WIZ: variants seen among roughly 807,000 people sequenced by gnomAD.
The protein encoded by WIZ is WIZ zinc finger.
WIZ carries 25 observed loss-of-function variants against 140.2 expected under a neutral mutation model. The observed-to-expected ratio is 0.18, with a 90% CI of 0.13 to 0.25. The LOEUF is 0.25. WIZ is among the 10% of genes least tolerant of loss of function. The probability of loss-of-function intolerance (pLI) is 1.00; values close to 1 mark genes in which losing one functional copy is unlikely to be tolerated. For synonymous variants in WIZ, 1,125 were observed against 1,154.3 expected (o/e 0.97, Z 0.51); for missense variants, 2,231 against 2,632.6 (o/e 0.85, Z 3.34).
At chr19:15,437,258 G>C in intron 4 of WIZ, 129 bp from the exon 5 acceptor site, 1 of 854,944 alleles carries the variant, frequency 1.2e-6, no homozygotes, top group East Asian at 3.0e-5. Flanking sequence ...GCTCCTGCCT[G>C]CTCCTCAGCT....
Position 15,431,076 on chromosome 19 carries a change from C to G in WIZ, c.2847G>C (p.Arg949=). 1 of 1,535,934 alleles carries G rather than the reference C, an allele frequency of 6.5e-7. No homozygotes were observed. Among genetic ancestry groups the G allele is most frequent in the Non-Finnish European group, 8.7e-7 (1 of 1,146,822 alleles). ...CCTCTGCAGCCACTTTGCTGCTCAG[C>G]CGACTGGCCACCTGCTCCAGGGCCC... ...VPGALEQVAS[R]LSSKVAAEVP... Residue 949 remains arginine, a synonymous_variant, in exon 6 of 13, where the codon CGG becomes CGC. Transcript: ENST00000673675.
Position 15,425,566 on chromosome 19 carries a change from T to A in WIZ, c.4569A>T (p.Pro1523=), listed in dbSNP as rs1425455720. The A allele has an allele frequency of 6.2e-7, 1 of 1,613,130 alleles. No individual in the cohort carries two copies. Among genetic ancestry groups the A allele is most frequent in the African/African-American group, 1.3e-5 (1 of 74,958 alleles). ...GGGCAGGGGCCAGGTCTCCAGCCGG[T>A]GGCTCCTTCTTGATGAGGCACGGCT... ...KSKPCLIKKE[P]PAGDLAPALA... is the part of the protein sequence containing the mutation. The change falls in exon 10 of 13, where the codon CCA becomes CCT. Residue 1523 remains proline (P), a synonymous_variant. Transcript: ENST00000673675.
rs554673473 is a variant in WIZ, at chr19:15,421,034, T to G, written c.*2042A>C. The stretch of plus-strand genomic sequence containing the variant: ...GGATGGCTGAGGCAGGAGAATCACT[T>G]GAACCCAGGAGGCAGAGACTGCAGC... On this transcript the variant is annotated 3_prime_UTR_variant, in exon 13 of 13. Transcript: ENST00000673675. The G allele has an allele frequency of 3.3e-5, 5 of 152,110 alleles. No homozygotes were observed. In the South Asian group the frequency reaches 1.0e-3, roughly 32 times the overall value. The allele number at this position is 152,110 out of a possible 1,614,324, so 9.4% of individuals were successfully genotyped here.
chr19:15,438,849 G>T lies in WIZ; in HGVS notation c.2145C>A (p.His715Gln), dbSNP rs1969614224. ...CGTCCAGGAGCAGGAAGTCCAGGGG[G>T]TGGGCGCCTGCCAGCCCCAGCTCCT... The part of the protein sequence containing the change: ...QPEELGLAGA[H>Q]PLDFLLLDAP... Residue 715 changes from histidine to glutamine, a missense_variant, in exon 4 of 13, where the codon CAC becomes CAA. This residue lies in a region of WIZ where 475 missense variants were observed against 520.2 expected (regional missense o/e 0.91). Coordinates refer to ENST00000673675, the MANE Select transcript of WIZ (RefSeq NM_001371589.1). 1 of 1,477,604 alleles carries T rather than the reference G, an allele frequency of 6.8e-7. No individual in the cohort carries two copies. The highest frequency in any genetic ancestry group is 1.3e-5 in the South Asian group (1 of 77,388). The allele number at this position is 1,477,604 out of a possible 1,614,324, so 91.5% of individuals were successfully genotyped here.
At position 15,430,060 on chromosome 19, in the gene WIZ, C is replaced by T. The variant is rs997673442; in HGVS notation, c.2941G>A (p.Gly981Ser). The change falls in exon 7 of 13, where the codon GGT (glycine) becomes AGT (serine). Residue 981 changes from glycine to serine, a missense_variant. Around this residue, in one of 15 missense-constraint regions of WIZ, gnomAD observed 24 missense variants for 61.2 expected, o/e 0.39. Transcript: ENST00000673675. ...CCCTTTCGGGTCTCAAAGCAGGCAC[C>T]GCAGACCTCGCAGGTGGTCAGGCTC... The part of the protein sequence containing the change: ...AQSLTTCEVC[G>S]ACFETRKGLS... 3.3e-6 allele frequency: 5 copies of T among 1,532,996 alleles called. No individual in the cohort carries two copies. Among genetic ancestry groups the T allele is most frequent in the South Asian group, 2.4e-5 (2 of 83,780 alleles). The allele number at this position is 1,532,996 out of a possible 1,614,324, so 95.0% of individuals were successfully genotyped here.
chr19:15,424,088 C>T lies in WIZ; in HGVS notation c.5510+95G>A. On this transcript the variant is annotated intron_variant, in intron 12 of 12. Coordinates refer to ENST00000673675, the MANE Select transcript of WIZ (RefSeq NM_001371589.1). The surrounding 1 kb of genome is among the most constrained non-coding windows in gnomAD (Gnocchi z 9.7). Reference sequence around the variant, plus strand: ...CCCAAGGGCAGCCACTGAGGCGACACCTCCCAGCTTCCACCAAACCCTATC... The same window carrying T: ...CCCAAGGGCAGCCACTGAGGCGACATCTCCCAGCTTCCACCAAACCCTATC... The T allele has an allele frequency of 8.2e-7, 1 of 1,218,646 alleles. No homozygotes were observed. Among genetic ancestry groups the T allele is most frequent in the Non-Finnish European group, 1.1e-6 (1 of 912,818 alleles). 75.5% of individuals were successfully genotyped at this position (1,218,646 alleles called of 1,614,324 possible). A position where few individuals can be genotyped will look rare whatever the true frequency, so the allele number is the denominator to read the frequency against.
rs948128549 is a variant in WIZ at position 15,427,582 on chromosome 19, T to C, written c.3815-49A>G. 13 of 1,558,216 alleles carry C rather than the reference T, an allele frequency of 8.3e-6. No homozygotes were observed. Among genetic ancestry groups the C allele is most frequent in the Admixed American group, 3.5e-5 (2 of 56,516 alleles). ...AGTTAGCATCGTGGAACTGCCAGCA[T>C]GGTCACCTGCAGGAGTGTCCTGGTC... is the stretch of plus-strand genomic sequence containing the variant. On this transcript the variant is annotated intron_variant, in intron 8 of 12. Coordinates refer to ENST00000673675, the MANE Select transcript of WIZ (RefSeq NM_001371589.1). This position sits in a 1 kb window ranked among gnomAD's most constrained non-coding sequence, Gnocchi z 6.4.
At chr19:15,445,175 T>C (rs1969874394) in intron 2 of WIZ, among the ~76,000 whole-genome samples, 1 of 152,200 alleles carries the variant, frequency 6.6e-6, no homozygotes, top group African/African-American at 2.4e-5. Flanking sequence ...CCATCTGGGT[T>C]CCCCGAGAGA....
Position 15,438,971 on chromosome 19 carries a change from G to A in WIZ, c.2023C>T (p.Gln675Ter). The stretch of plus-strand genomic sequence containing the variant: ...GGTACCATCCCTCGGAGCTGCTGCT[G>A]CTGCCCCTGGGTGGCCTCTACTGCC... ...LQAVEATQGQQQQLRGMVPIV... is the reference protein window; with the variant it reads ...LQAVEATQGQ The change falls in exon 4 of 13, where the codon CAG becomes TAG. Residue 675 changes from glutamine to a stop codon, truncating the protein, a stop_gained. Transcript: ENST00000673675. LOFTEE classifies it high-confidence loss of function. The A allele has an allele frequency of 6.9e-7, 1 of 1,455,380 alleles. No homozygotes were observed. The highest frequency in any genetic ancestry group is 9.0e-7 in the Non-Finnish European group (1 of 1,107,120). The allele number at this position is 1,455,380 out of a possible 1,614,324, so 90.2% of individuals were successfully genotyped here.
At chr19:15,445,040 G>A (rs1969869243) in intron 2 of WIZ, among the ~76,000 whole-genome samples, 1 of 152,256 alleles carries the variant, frequency 6.6e-6, no homozygotes. Context: ...GACACCTTGG[G>A]GGTGGGGGCT....
At chr19:15,430,181 G>C (rs1969140125) in intron 6 of WIZ, 92 bp from the exon 7 acceptor site, 3 of 1,428,654 alleles carry the variant, frequency 2.1e-6, no homozygotes. Context: ...CACTCACCCA[G>C]GCTCCATGGA....
Position 15,427,614 on chromosome 19 carries a change from G to T in WIZ, c.3815-81C>A. The stretch of plus-strand genomic sequence containing the variant: ...CTGCAGGAGTGTCCTGGTCGGCTGG[G>T]CGTGGGCGGCAGCAGCACGCCCACA... On this transcript the variant is annotated intron_variant, in intron 8 of 12. Transcript: ENST00000673675. This position sits in a 1 kb window ranked among gnomAD's most constrained non-coding sequence, Gnocchi z 6.4. 6.8e-7 allele frequency: 1 copy of T among 1,462,682 alleles called. No individual in the cohort carries two copies. Among genetic ancestry groups the T allele is most frequent in the Non-Finnish European group, 9.1e-7 (1 of 1,096,886 alleles). The allele number at this position is 1,462,682 out of a possible 1,614,324, so 90.6% of individuals were successfully genotyped here.
chr19:15,422,809 A>T lies in WIZ; in HGVS notation c.*267T>A. 1.9e-6 allele frequency: 1 copy of T among 532,592 alleles called. No individual in the cohort carries two copies. The highest frequency in any genetic ancestry group is 3.3e-6 in the Non-Finnish European group (1 of 300,570). The allele number at this position is 532,592 out of a possible 1,614,324, so 33.0% of individuals were successfully genotyped here. On this transcript the variant is annotated 3_prime_UTR_variant, in exon 13 of 13. Coordinates refer to ENST00000673675, the MANE Select transcript of WIZ (RefSeq NM_001371589.1). ...CCCTGTGACCAGACCGGCTGCCATC[A>T]GAGACCTGGCTGCTGCCCCTGCTGG...
chr19:15,425,153 C>T (rs1968660242), intron 10 of WIZ, 88 bp downstream of exon 10: 1 of 1,534,118 alleles, frequency 6.5e-7, no homozygotes, highest in Non-Finnish European at 8.7e-7. Flanking sequence ...GGGGGCCCCA[C>T]TTGGGGTCAG....
At chr19:15,433,749 A>G (rs915526957) in intron 5 of WIZ, among the ~76,000 whole-genome samples, 2 of 152,202 alleles carry the variant, frequency 1.3e-5, no homozygotes, top group Admixed American at 1.3e-4. Context: ...TAGCAGAAGC[A>G]AGAAGCCTGA....
chr19:15,443,866 A>T (rs1007188598), intron 2 of WIZ, among the ~76,000 whole-genome samples: 4 of 152,114 alleles, frequency 2.6e-5, no homozygotes, highest in Admixed American at 6.6e-5. Context: ...ACCCTCTCCC[A>T]GGCCTATGTC....
At chr19:15,446,377 C>T (rs1969921180) in intron 2 of WIZ, among the ~76,000 whole-genome samples, 1 of 152,174 alleles carries the variant, frequency 6.6e-6, no homozygotes. Flanking sequence ...AATCAAAGTC[C>T]CCGCCCAGCC....
At chr19:15,425,187 G>A (rs1968662742) in intron 10 of WIZ, 54 bp downstream of exon 10, 2 of 1,548,746 alleles carry the variant, frequency 1.3e-6, no homozygotes, top group Non-Finnish European at 1.7e-6. Flanking sequence ...GGCATTGCCT[G>A]GCCTGGCAGG....
In WIZ at chr19:15,439,451, C is replaced by A; in HGVS notation, c.1543G>T (p.Ala515Ser). The A allele has an allele frequency of 6.5e-7, 1 of 1,533,182 alleles. No individual in the cohort carries two copies. Among genetic ancestry groups the A allele is most frequent in the Non-Finnish European group, 8.7e-7 (1 of 1,145,332 alleles). The allele number at this position is 1,533,182 out of a possible 1,614,324, so 95.0% of individuals were successfully genotyped here. ...TCCACAGCAGTGTCAGGGAAGCAGG[C>A]GTGAGCATCCTGGCTAGTGCCTGGC... ...SQPGTSQDAH[A>S]CFPDTAVDYF... The change falls in exon 4 of 13, where the codon GCC becomes TCC. Residue 515 changes from alanine to serine, a missense_variant. This residue lies in a region of WIZ where 475 missense variants were observed against 520.2 expected (regional missense o/e 0.91). Transcript: ENST00000673675. The surrounding 1 kb of genome is among the most constrained non-coding windows in gnomAD (Gnocchi z 7.0).
Sources: allele counts gnomAD v4.1 joint callset (sites outside exome capture counted in the v4.1 genomes callset), GRCh38; gene constraint gnomAD v4.1.1; regional missense constraint gnomAD v4.1.1; non-coding constraint Gnocchi (gnomAD v3.1); transcripts MANE v1.5; gene names NCBI Gene and HGNC (gene_info 2026-07-23, HGNC 2026-07-21).